Variants in INO80 observed in about 807,000 individuals in gnomAD.
INO80 encodes INO80 complex ATPase subunit, also known as chromatin-remodeling ATPase INO80.
A neutral mutation model predicts 203.4 loss-of-function variants in INO80; 20 were observed. The ratio of observed to expected loss-of-function variants is 0.10; its 90% CI spans 0.07 to 0.14. The LOEUF is 0.14. Ranked by LOEUF, INO80 falls within the 10% of genes least tolerant of loss-of-function variation. INO80 has a pLI of 1.00. For missense variants in INO80, 1,419 were observed against 1,914.4 expected, an observed-to-expected ratio of 0.74 and a Z score of 4.83; for synonymous variants, 726 against 685.2, an observed-to-expected ratio of 1.06 and a Z score of -0.93.
chr15:40,986,316 C>CT (rs551165963), intron 31 of INO80, among the ~76,000 whole-genome samples: 2,918 of 90,494 alleles, frequency 0.032, 113 homozygotes, highest in East Asian at 0.07. Context: ...CTCCACAATG[C>CT]TTTTTTTTTT....
At chr15:41,115,407 AG>A in intron 1 of INO80, among the ~76,000 whole-genome samples, 1 of 152,196 alleles carries the variant, frequency 6.6e-6, no homozygotes, top group East Asian at 1.9e-4. Context: ...AAACCAGAAG[AG>A]GTGTCATCTA....
At chr15:41,061,784 A>C (rs1043394782) in intron 14 of INO80, among the ~76,000 whole-genome samples, 1 of 152,206 alleles carries the variant, frequency 6.6e-6, no homozygotes, top group African/African-American at 2.4e-5. Context: ...AGTAACTAAA[A>C]TCAAGAAATT....
In INO80 at chr15:41,044,917, C is replaced by T. The variant is rs1402954494; in HGVS notation, c.2894G>A (p.Cys965Tyr). The stretch of plus-strand genomic sequence containing the variant: ...ATAATTGCTTACCTTTAACAAAGGG[C>T]AGCTGCAAAGGTTTGGAAAGGAGAG... ...FPLSFPNLCS[C>Y]PLLKSLVFSS... The change falls in exon 24 of 36, where the codon TGC becomes TAC. Residue 965 changes from cysteine (C) to tyrosine (Y), a missense_variant. Physicochemically the swap from Cys to Tyr is radical, Grantham distance 194. This residue lies in a region of INO80 where 302 missense variants were observed against 345.4 expected (regional missense o/e 0.87). Coordinates refer to ENST00000648947, the MANE Select transcript of INO80 (RefSeq NM_017553.3). 3 of 1,605,074 alleles carry T rather than the reference C, an allele frequency of 1.9e-6. No individual in the cohort carries two copies. Among genetic ancestry groups the T allele is most frequent in the South Asian group, 2.2e-5 (2 of 89,108 alleles).
chr15:41,114,007 G>A (rs1029524793), intron 1 of INO80, among the ~76,000 whole-genome samples: 3 of 152,150 alleles, frequency 2.0e-5, no homozygotes, highest in Non-Finnish European at 4.4e-5. Context: ...GGTGGCTCAC[G>A]CCTGTAATCT....
chr15:41,060,090 A>C (rs1044201781), intron 14 of INO80, among the ~76,000 whole-genome samples, 164 bp from the exon 15 acceptor site: 1 of 152,238 alleles, frequency 6.6e-6, no homozygotes, highest in Non-Finnish European at 1.5e-5. Context: ...CTGTTGTCCA[A>C]ATAGAAAGAC....
chr15:41,057,585 T>A (rs977998398), intron 16 of INO80, among the ~76,000 whole-genome samples: 32 of 151,292 alleles, frequency 2.1e-4, no homozygotes, highest in African/African-American at 7.5e-4. Context: ...TAACCTGAGG[T>A]CAGGAGTTCG....
intron 28 of INO80, among the ~76,000 whole-genome samples, chr15:41,000,724 A>AAAAAAAG (rs1566905554): frequency 2.0e-5 from 3 of 151,064 alleles, no homozygotes; most frequent in Admixed American, 6.6e-5. Context: ...AAAAAAAAAA[A>AAAAAAAG]AAAAAAGAAA....
intron 10 of INO80, 80 bp from the exon 11 acceptor site, chr15:41,073,575 A>G: frequency 5.5e-6 from 6 of 1,094,508 alleles, no homozygotes; most frequent in Non-Finnish European, 8.5e-6. Flanking sequence ...ATGTATGTGG[A>G]TCCCTGATTC....
chr15:40,984,338 ATCT>A lies in INO80; in HGVS notation c.3933_3935del (p.Glu1311del), dbSNP rs764325190. 3.8e-5 allele frequency: 61 copies of A among 1,613,912 alleles called. No individual in the cohort carries two copies. Among genetic ancestry groups the A allele is most frequent in the South Asian group, 8.8e-5 (8 of 91,074 alleles). On this transcript the variant is annotated inframe_deletion, in exon 33 of 36. Coordinates refer to ENST00000648947, the MANE Select transcript of INO80 (RefSeq NM_017553.3). ...CTTTTCTCCTTTTCCCATCCAATTC[ATCT>A]TCTTTTTTCTTCTGGGAACACACGG...
At chr15:41,064,458 T>C (rs113648027) in intron 14 of INO80, among the ~76,000 whole-genome samples, 11,266 of 152,232 alleles carry the variant, frequency 0.074, 1,218 homozygotes, top group African/African-American at 0.24. Flanking sequence ...TAGCTCACTG[T>C]AGCCTTGAAC....
intron 24 of INO80, among the ~76,000 whole-genome samples, chr15:41,032,557 G>C (rs1183035150): frequency 2.0e-5 from 3 of 152,100 alleles, no homozygotes; most frequent in Admixed American, 6.6e-5. Flanking sequence ...TGTTTGGGGG[G>C]TGAAATCTTC....
chr15:41,077,476 G>T (rs1355517468), intron 9 of INO80, among the ~76,000 whole-genome samples: 1 of 151,658 alleles, frequency 6.6e-6, no homozygotes, highest in African/African-American at 2.4e-5. Flanking sequence ...CAAAATAGAA[G>T]AAAACTTGAG....
At chr15:41,002,894 G>A (rs1566906348) in intron 28 of INO80, among the ~76,000 whole-genome samples, 1 of 152,152 alleles carries the variant, frequency 6.6e-6, no homozygotes, top group African/African-American at 2.4e-5. Flanking sequence ...CATGAGGTCA[G>A]GAGATTGAGA....
intron 25 of INO80, among the ~76,000 whole-genome samples, chr15:41,025,202 C>G (rs1325581494): frequency 6.6e-6 from 1 of 152,166 alleles, no homozygotes; most frequent in African/African-American, 2.4e-5. Context: ...TTGAGAGAAA[C>G]AGCAGCAGCA....
chr15:41,023,807 CA>C (rs544076740), intron 25 of INO80, among the ~76,000 whole-genome samples: 1 of 111,428 alleles, frequency 9.0e-6, no homozygotes, highest in Non-Finnish European at 2.0e-5. Flanking sequence ...AAAAAAGAAA[CA>C]AAAAAAAACA....
intron 5 of INO80, among the ~76,000 whole-genome samples, chr15:41,090,214 C>G (rs1486413114): frequency 6.6e-6 from 1 of 152,150 alleles, no homozygotes; most frequent in African/African-American, 2.4e-5. Context: ...GTGAGAGAAG[C>G]TGGACACAGG....
At chr15:40,987,687 C>T in intron 30 of INO80, 129 bp downstream of exon 30, 1 of 897,044 alleles carries the variant, frequency 1.1e-6, no homozygotes, top group East Asian at 2.5e-5. Flanking sequence ...ATTTTCTATT[C>T]AGAAGAAATT....
At chr15:41,070,621 C>T (rs1036943379) in intron 12 of INO80, 74 bp from the exon 13 acceptor site, 15 of 1,217,830 alleles carry the variant, frequency 1.2e-5, no homozygotes, top group Admixed American at 8.6e-5. Flanking sequence ...CCAAAAAGAA[C>T]GACCAAGATA....
intron 8 of INO80, 129 bp from the exon 9 acceptor site, chr15:41,080,033 C>T: frequency 1.3e-6 from 1 of 751,214 alleles, no homozygotes; most frequent in Non-Finnish European, 2.3e-6. Flanking sequence ...CTTTCTCCTG[C>T]AACTTGATTA....
Sources: allele counts gnomAD v4.1 joint callset (sites outside exome capture counted in the v4.1 genomes callset), GRCh38; gene constraint gnomAD v4.1.1; regional missense constraint gnomAD v4.1.1; transcripts MANE v1.5; gene names NCBI Gene and HGNC (gene_info 2026-07-23, HGNC 2026-07-21).